VPS13C: variants seen among roughly 807,000 people sequenced by gnomAD.
VPS13C encodes the protein intermembrane lipid transfer protein VPS13C.
In VPS13C, 358 loss-of-function variants were observed where a neutral mutation model predicts 456.8. That is an observed-to-expected ratio of 0.78 (90% confidence interval 0.72 to 0.86). The LOEUF (loss-of-function observed/expected upper bound fraction) is 0.86, where lower values mean the gene tolerates loss of function less well. Among genes scored for constraint, VPS13C ranks in the 40% least tolerant of loss-of-function variants. The pLI, the probability that VPS13C is intolerant of heterozygous loss-of-function variation, is 0.00. For synonymous variants in VPS13C, 1,578 were observed against 1,486.7 expected, an observed-to-expected ratio of 1.06 and a Z score of -1.41; for missense variants, 4,818 against 4,385.4, an observed-to-expected ratio of 1.10 and a Z score of -2.79.
chr15:62,024,733 A>G (rs749163188), intron 6 of VPS13C, among the ~76,000 whole-genome samples: 6 of 152,154 alleles, frequency 3.9e-5, no homozygotes, highest in African/African-American at 7.2e-5. Context: ...AAGTCCTTTT[A>G]TGATGTGACC....
rs749153796 is a variant in VPS13C, at chr15:61,920,496, A to G, written c.7212+2T>C. 5 of 1,523,104 alleles carry G rather than the reference A, an allele frequency of 3.3e-6. No homozygotes were observed. The highest frequency in any genetic ancestry group is 4.6e-5 in the East Asian group (2 of 43,336). The allele number at this position is 1,523,104 out of a possible 1,614,324, so 94.3% of individuals were successfully genotyped here. A position where few individuals can be genotyped will look rare whatever the true frequency, so the allele number is the denominator to read the frequency against. On this transcript the variant is annotated splice_donor_variant, in intron 56 of 84. Transcript: ENST00000644861. LOFTEE classifies it high-confidence loss of function. Reference sequence around the variant, plus strand: ...AATATTCTAAGCAAGATTCAGACATACTTTTGCTAAATTGTTGAAAACATT... The same window carrying G: ...AATATTCTAAGCAAGATTCAGACATGCTTTTGCTAAATTGTTGAAAACATT...
intron 42 of VPS13C, among the ~76,000 whole-genome samples, chr15:61,948,818 T>C (rs868453081): frequency 6.6e-6 from 1 of 152,172 alleles, no homozygotes; most frequent in Non-Finnish European, 1.5e-5. Context: ...TGTTAAATAC[T>C]GACATTATAT....
intron 10 of VPS13C, 65 bp from the exon 11 acceptor site, chr15:62,013,184 GATT>G (rs2047109427): frequency 1.6e-6 from 2 of 1,242,940 alleles, no homozygotes; most frequent in African/African-American, 3.0e-5. Context: ...AATATTAAAA[GATT>G]ATTCTCATGT....
intron 22 of VPS13C, among the ~76,000 whole-genome samples, chr15:61,981,056 C>T (rs1255316168): frequency 6.6e-6 from 1 of 152,016 alleles, no homozygotes; most frequent in African/African-American, 2.4e-5. Context: ...ATAATTAAGC[C>T]CTGGAAACTA....
At chr15:62,054,344 C>T (rs1258377337) in intron 1 of VPS13C, among the ~76,000 whole-genome samples, 1 of 152,092 alleles carries the variant, frequency 6.6e-6, no homozygotes, top group Non-Finnish European at 1.5e-5. Context: ...ACTGTAAAAG[C>T]ATAAGCATAA....
At chr15:61,968,038 G>GA (rs2045434376) in intron 28 of VPS13C, among the ~76,000 whole-genome samples, 1 of 151,728 alleles carries the variant, frequency 6.6e-6, no homozygotes, top group South Asian at 2.1e-4. Context: ...TTCACTAAAG[G>GA]AAAAAATAGC....
In VPS13C at chr15:61,882,691, T is replaced by C; in HGVS notation, c.9529A>G (p.Ser3177Gly). 6.3e-7 allele frequency: 1 copy of C among 1,598,060 alleles called. No individual in the cohort carries two copies. Among genetic ancestry groups the C allele is most frequent in the Admixed American group, 1.7e-5 (1 of 57,838 alleles). Residue 3177 changes from serine (S) to glycine (G), a missense_variant, in exon 69 of 85, where the codon AGC becomes GGC. This residue lies in a region of VPS13C where 4,552 missense variants were observed against 4,130.6 expected (regional missense o/e 1.10). Transcript: ENST00000644861. ...GATAAAAAGTCTCGTTTAATAGGGC[T>C]ACGAATAGGGAGGCGCATTTCCATT... ...DPMEMRLPIR[S>G]PIKRDFLSGI...
chr15:61,884,067 C>A, intron 68 of VPS13C, 61 bp downstream of exon 68: 1 of 1,483,062 alleles, frequency 6.7e-7, no homozygotes, highest in Non-Finnish European at 9.0e-7. Context: ...TACAATTTTA[C>A]TTACTACCAC....
rs767843770 is a variant in VPS13C at position 61,918,146 on chromosome 15, C to G, written c.7750G>C (p.Asp2584His). 6.3e-7 allele frequency: 1 copy of G among 1,591,222 alleles called. No individual in the cohort carries two copies. The highest frequency in any genetic ancestry group is 1.2e-5 in the South Asian group (1 of 85,560). Residue 2584 changes from aspartate to histidine, a missense_variant, in exon 59 of 85, where the codon GAT (aspartate) becomes CAT (histidine). Transcript: ENST00000644861. ...TTAAGAAGTATCTACCTATATGAAT[C>G]TAAAGGAACATGGAACTCCTCTTCA... ...RPEEEFHVPL[D>H]SYRCQLFIQP...
chr15:61,947,229 CACAG>C lies in VPS13C; in HGVS notation c.4836_4839del (p.Cys1613IlefsTer20), dbSNP rs1479319076. On this transcript the variant is annotated frameshift_variant, in exon 43 of 85. Coordinates refer to ENST00000644861, the MANE Select transcript of VPS13C (RefSeq NM_020821.3). LOFTEE classifies it high-confidence loss of function. ...ATATCTGCAATGTTACACTTCTGAT[CACAG>C]ACAAAGACATTAAATGCATTTAATT... 5 of 1,605,344 alleles carry C rather than the reference CACAG, an allele frequency of 3.1e-6. No individual in the cohort carries two copies. Among genetic ancestry groups the C allele is most frequent in the East Asian group, 2.3e-5 (1 of 44,246 alleles).
At chr15:61,884,657 G>C (rs1896133324) in intron 67 of VPS13C, among the ~76,000 whole-genome samples, 1 of 151,092 alleles carries the variant, frequency 6.6e-6, no homozygotes, top group Non-Finnish European at 1.5e-5. Flanking sequence ...AAATAATTAA[G>C]AGCAATTCTT....
intron 74 of VPS13C, among the ~76,000 whole-genome samples, 200 bp from the exon 75 acceptor site, chr15:61,877,254 T>C (rs1304370689): frequency 1.3e-5 from 2 of 152,100 alleles, no homozygotes; most frequent in Admixed American, 6.6e-5. Context: ...TTTTCATATA[T>C]GCATAAAGAG....
chr15:62,012,983 A>G, intron 11 of VPS13C, 56 bp downstream of exon 11: 2 of 1,385,184 alleles, frequency 1.4e-6, no homozygotes, highest in South Asian at 1.3e-5. Flanking sequence ...CTCTTATATT[A>G]AACAAATTTA....
intron 21 of VPS13C, 90 bp downstream of exon 21, chr15:61,982,368 GC>G: frequency 1.1e-6 from 1 of 932,496 alleles, no homozygotes; most frequent in Non-Finnish European, 1.6e-6. Context: ...AAGAAAAAAA[GC>G]AACATAATAT....
chr15:61,966,981 C>T (rs1298613849), intron 29 of VPS13C, among the ~76,000 whole-genome samples: 5 of 151,918 alleles, frequency 3.3e-5, no homozygotes, highest in South Asian at 2.1e-4. Flanking sequence ...GAAATATTTT[C>T]GTGGCCCTTC....
At chr15:62,049,102 G>T (rs2048530594) in intron 1 of VPS13C, among the ~76,000 whole-genome samples, 1 of 152,050 alleles carries the variant, frequency 6.6e-6, no homozygotes, top group Non-Finnish European at 1.5e-5. Flanking sequence ...AAGCTCTTTA[G>T]TTTAATTAGA....
At position 62,007,490 on chromosome 15, in the gene VPS13C, A is replaced by G. The variant is rs1280176880; in HGVS notation, c.1119-11T>C. ...ATTGCATATTTCCACCTGAAAATCA[A>G]ATTTTGTTAACGTAAATGTTAATAT... On this transcript the variant is annotated splice_polypyrimidine_tract_variant and intron_variant, in intron 14 of 84. Transcript: ENST00000644861. The G allele has an allele frequency of 3.2e-6, 5 of 1,553,298 alleles. No homozygotes were observed. Among genetic ancestry groups the G allele is most frequent in the Non-Finnish European group, 4.3e-6 (5 of 1,152,164 alleles).
At chr15:61,966,468 G>A (rs1003092993) in intron 29 of VPS13C, among the ~76,000 whole-genome samples, 3 of 151,684 alleles carry the variant, frequency 2.0e-5, no homozygotes, top group Admixed American at 1.3e-4. Flanking sequence ...CCATAAAGTC[G>A]TCAGCAAGTC....
At chr15:61,900,991 C>G (rs373808516) in intron 66 of VPS13C, among the ~76,000 whole-genome samples, 1 of 152,132 alleles carries the variant, frequency 6.6e-6, no homozygotes, top group South Asian at 2.1e-4. Context: ...ACAAACCTGA[C>G]AAAAACAAGC....
Sources: gnomAD v4.1 joint callset for allele counts (sites outside exome capture counted in the v4.1 genomes callset) on GRCh38, gnomAD v4.1.1 for gene constraint, gnomAD v4.1.1 regional missense constraint, MANE v1.5 for transcripts, NCBI Gene and HGNC (gene_info 2026-07-23, HGNC 2026-07-21) for gene names.